Variants in LRRC4C observed in about 807,000 individuals in gnomAD.
LRRC4C encodes leucine-rich repeat-containing protein 4C.
A neutral mutation model predicts 33.6 loss-of-function variants in LRRC4C; 5 were observed. That is an observed-to-expected ratio of 0.15 (90% CI 0.08 to 0.31). The LOEUF is 0.31. LRRC4C is among the 10% of genes least tolerant of loss of function. The probability of loss-of-function intolerance (pLI) is 1.00; values close to 1 mark genes in which losing one functional copy is unlikely to be tolerated. For synonymous variants in LRRC4C, 329 were observed against 302.0 expected (o/e 1.09, Z -0.93); for missense variants, 560 against 796.7 (o/e 0.70, Z 3.58).
At chr11:41,270,652 C>G (rs1268340519) in intron 1 of LRRC4C, among the ~76,000 whole-genome samples, 1 of 152,120 alleles carries the variant, frequency 6.6e-6, no homozygotes, top group African/African-American at 2.4e-5. Flanking sequence ...GACATTTTCT[C>G]TTCTTCAGTC....
intron 1 of LRRC4C, among the ~76,000 whole-genome samples, chr11:41,148,736 C>T (rs1335489749): frequency 6.6e-6 from 1 of 151,954 alleles, no homozygotes; most frequent in Non-Finnish European, 1.5e-5. Context: ...CTATTCACAT[C>T]ACATACAAGC....
chr11:40,673,248 TAGG>T (rs909518256), intron 2 of LRRC4C, among the ~76,000 whole-genome samples: 2 of 152,104 alleles, frequency 1.3e-5, no homozygotes. Flanking sequence ...GTAAAAATAT[TAGG>T]AGAAGGGCAG....
chr11:40,391,116 G>T (rs943562203), intron 3 of LRRC4C, among the ~76,000 whole-genome samples: 3 of 151,880 alleles, frequency 2.0e-5, no homozygotes, highest in Non-Finnish European at 4.4e-5. Context: ...TCCTGACCTC[G>T]ATCTGCCCAC....
chr11:41,295,565 C>T (rs1950116184), intron 1 of LRRC4C, among the ~76,000 whole-genome samples: 1 of 151,014 alleles, frequency 6.6e-6, no homozygotes, highest in Non-Finnish European at 1.5e-5. Context: ...ACATAAATAA[C>T]TCTTTTTGAG....
intron 3 of LRRC4C, among the ~76,000 whole-genome samples, chr11:40,344,908 T>C (rs149647798): frequency 3.7e-3 from 556 of 152,076 alleles, no homozygotes; most frequent in African/African-American, 0.013. Context: ...TCACAAGAGC[T>C]ACAAAGAGAA....
chr11:40,463,266 A>G lies in LRRC4C; in HGVS notation c.-269-143545T>C, dbSNP rs559525161. ...AAGTATAGAAGTATAGAGGCATAGAAGTATTATTGGGAAGATATAGGTGTG... is the reference window on the plus strand; with the variant it reads ...AAGTATAGAAGTATAGAGGCATAGAGGTATTATTGGGAAGATATAGGTGTG... On this transcript the variant is annotated intron_variant, in intron 3 of 6. Coordinates refer to ENST00000528697, the MANE Select transcript of LRRC4C (RefSeq NM_001258419.2). Among the ~76,000 whole-genome samples the G allele has an allele frequency of 4.4e-4, 67 of 150,736 alleles. No individual in the cohort carries two copies. The South Asian group carries it at 7.1e-3, about 16-fold the overall frequency.
At chr11:40,403,909 G>A (rs1949860577) in intron 3 of LRRC4C, among the ~76,000 whole-genome samples, 1 of 152,038 alleles carries the variant, frequency 6.6e-6, no homozygotes, top group Non-Finnish European at 1.5e-5. Flanking sequence ...CAAGTCCAGT[G>A]CAATTTTTTC....
rs61055829 is a variant in LRRC4C, at chr11:40,639,930, A to ATT, written c.-270+8210_-270+8211dup. The stretch of plus-strand genomic sequence containing the variant: ...AGGATTGGAGCCTTCACATAGACTG[A>ATT]TTTTTTTTTTTCAAAAGGTTCTTCA... On this transcript the variant is annotated intron_variant, in intron 3 of 6. Coordinates refer to ENST00000528697, the MANE Select transcript of LRRC4C (RefSeq NM_001258419.2). Among the ~76,000 whole-genome samples, 236 of 149,450 alleles carry ATT rather than the reference A, an allele frequency of 1.6e-3. 1 individual carries two copies. Among genetic ancestry groups the ATT allele is most frequent in the African/African-American group, 5.4e-3 (221 of 40,850 alleles).
intron 1 of LRRC4C, among the ~76,000 whole-genome samples, chr11:40,959,332 T>C (rs1490650611): frequency 6.6e-6 from 1 of 151,708 alleles, no homozygotes; most frequent in Non-Finnish European, 1.5e-5. Context: ...TTGTCCAGAA[T>C]ATTCCAGGTT....
chr11:41,384,683 T>C (rs563326054), intron 1 of LRRC4C, among the ~76,000 whole-genome samples: 1 of 151,398 alleles, frequency 6.6e-6, no homozygotes, highest in South Asian at 2.1e-4. Flanking sequence ...TATTATGTAA[T>C]GTTTGTTGAG....
At chr11:40,446,666 C>T (rs1462997822) in intron 3 of LRRC4C, 1 of 152,128 alleles carries the variant, frequency 6.6e-6, no homozygotes, top group Non-Finnish European at 1.5e-5. Flanking sequence ...GCTCATAGTT[C>T]TACATGGCTG....
At chr11:41,143,824 A>T (rs894332640) in intron 1 of LRRC4C, among the ~76,000 whole-genome samples, 11 of 152,170 alleles carry the variant, frequency 7.2e-5, no homozygotes, top group Admixed American at 2.6e-4. Context: ...ACTAATTGAG[A>T]GGCAAGACTG....
At chr11:40,285,891 G>A (rs2136503097) in intron 4 of LRRC4C, among the ~76,000 whole-genome samples, 1 of 152,184 alleles carries the variant, frequency 6.6e-6, no homozygotes, top group East Asian at 1.9e-4. Flanking sequence ...CCTATTCCCA[G>A]CCTCACCATT....
At chr11:40,520,210 C>T (rs118003193) in intron 3 of LRRC4C, among the ~76,000 whole-genome samples, 2,709 of 152,284 alleles carry the variant, frequency 0.018, 43 homozygotes, top group South Asian at 0.034. Context: ...TACCCAAGAG[C>T]GCATGTTATC....
chr11:40,375,715 T>G (rs141344788), intron 3 of LRRC4C, among the ~76,000 whole-genome samples: 119 of 152,288 alleles, frequency 7.8e-4, no homozygotes, highest in African/African-American at 2.4e-3. Context: ...TGAAAATACA[T>G]ATAGATTAAC....
chr11:40,499,649 T>C (rs893347878), intron 3 of LRRC4C, among the ~76,000 whole-genome samples: 5 of 152,152 alleles, frequency 3.3e-5, no homozygotes, highest in African/African-American at 1.2e-4. Flanking sequence ...TTGATGATGG[T>C]GAAAATAGTA....
At chr11:40,575,449 G>C (rs1007915701) in intron 3 of LRRC4C, among the ~76,000 whole-genome samples, 1 of 151,668 alleles carries the variant, frequency 6.6e-6, no homozygotes, top group African/African-American at 2.4e-5. Context: ...GATTTTCAGT[G>C]CTAAAACCAG....
chr11:40,559,205 G>A (rs1174800769), intron 3 of LRRC4C, among the ~76,000 whole-genome samples: 2 of 142,226 alleles, frequency 1.4e-5, no homozygotes, highest in African/African-American at 2.6e-5. Flanking sequence ...TTTTTTCTGA[G>A]GTGGGGTCTC....
intron 1 of LRRC4C, among the ~76,000 whole-genome samples, chr11:41,028,553 A>G (rs1157238261): frequency 1.4e-5 from 2 of 140,366 alleles, no homozygotes; most frequent in African/African-American, 2.6e-5. Flanking sequence ...AAAACAGGAC[A>G]TATTTTTAGT....
Sources: allele counts gnomAD v4.1 joint callset (sites outside exome capture counted in the v4.1 genomes callset), GRCh38; gene constraint gnomAD v4.1.1; transcripts MANE v1.5; gene names NCBI Gene and HGNC (gene_info 2026-07-23, HGNC 2026-07-21).